The following ITGA8 variants were observed in gnomAD, a reference collection of about 807,000 sequenced individuals.
The protein encoded by ITGA8 is integrin alpha-8.
In ITGA8, 91 loss-of-function variants were observed where a neutral mutation model predicts 142.3. The observed-to-expected ratio is 0.64, with a 90% CI of 0.54 to 0.76. The LOEUF (loss-of-function observed/expected upper bound fraction) is 0.76, where lower values mean the gene tolerates loss of function less well. ITGA8 is among the 30% of genes least tolerant of loss of function. ITGA8 has a pLI of 0.00. For synonymous variants in ITGA8, 505 were observed against 485.2 expected (o/e 1.04, Z -0.54); for missense variants, 1,406 against 1,327.7 (o/e 1.06, Z -0.92).
intron 13 of ITGA8, among the ~76,000 whole-genome samples, chr10:15,631,784 G>A (rs1228921152): frequency 6.7e-6 from 1 of 149,060 alleles, no homozygotes; most frequent in Non-Finnish European, 1.5e-5. Flanking sequence ...TGGACTTCTA[G>A]CCCCACCCCC....
intron 3 of ITGA8, among the ~76,000 whole-genome samples, chr10:15,684,992 A>AT (rs1269314173): frequency 1.3e-5 from 2 of 152,116 alleles, no homozygotes; most frequent in Non-Finnish European, 2.9e-5. Flanking sequence ...GCACTTCTCC[A>AT]TTTTCACAGT....
At chr10:15,532,113 T>G (rs1833313937) in intron 27 of ITGA8, among the ~76,000 whole-genome samples, 2 of 151,884 alleles carry the variant, frequency 1.3e-5, no homozygotes, top group Admixed American at 6.6e-5. Context: ...TAGATGCTAA[T>G]AGCACCCTCC....
chr10:15,546,469 G>A (rs61843013), intron 27 of ITGA8, among the ~76,000 whole-genome samples: 2,614 of 152,276 alleles, frequency 0.017, 31 homozygotes, highest in Non-Finnish European at 0.026. Flanking sequence ...GGTTCAAAAT[G>A]GGATGATGTT....
intron 22 of ITGA8, among the ~76,000 whole-genome samples, chr10:15,586,921 T>A (rs1832842478): frequency 6.6e-6 from 1 of 151,876 alleles, no homozygotes; most frequent in Admixed American, 6.6e-5. Context: ...CTAAAGAAAC[T>A]AACACTTTTT....
chr10:15,582,159 A>T (rs564955555), intron 23 of ITGA8, among the ~76,000 whole-genome samples: 10 of 152,296 alleles, frequency 6.6e-5, no homozygotes, highest in African/African-American at 2.4e-4. Context: ...GGATCACTTG[A>T]GCTCAGGAGT....
chr10:15,571,475 T>C (rs1205823022), intron 25 of ITGA8, among the ~76,000 whole-genome samples: 2 of 152,262 alleles, frequency 1.3e-5, no homozygotes, highest in Non-Finnish European at 2.9e-5. Flanking sequence ...CAAGGGCTTA[T>C]GCTAATTAAT....
intron 26 of ITGA8, among the ~76,000 whole-genome samples, chr10:15,549,638 G>C (rs889121644): frequency 6.6e-6 from 1 of 152,070 alleles, no homozygotes; most frequent in South Asian, 2.1e-4. Flanking sequence ...AATTTATCTT[G>C]TGGCCCATGC....
chr10:15,691,999 C>T (rs985498835), intron 2 of ITGA8, among the ~76,000 whole-genome samples: 4 of 152,098 alleles, frequency 2.6e-5, no homozygotes, highest in Non-Finnish European at 4.4e-5. Context: ...TGCAGTGGCA[C>T]GATCACAGTT....
intron 21 of ITGA8, chr10:15,596,888 G>T: frequency 4.2e-6 from 1 of 239,274 alleles, no homozygotes; most frequent in Non-Finnish European, 8.1e-6. Flanking sequence ...ATTTCTTTTT[G>T]AATTCAAAGA....
chr10:15,681,565 A>G (rs1834738234), intron 4 of ITGA8, among the ~76,000 whole-genome samples: 1 of 152,214 alleles, frequency 6.6e-6, no homozygotes, highest in African/African-American at 2.4e-5. Flanking sequence ...CTTTTCCCCT[A>G]CAAGTCTGCA....
Position 15,575,546 on chromosome 10 carries a change from T to C in ITGA8, c.2421A>G (p.Pro807=). Residue 807 remains proline, a synonymous_variant, in exon 24 of 30, where the codon CCA becomes CCG. Transcript: ENST00000378076. ...CCTCCTCTTTGTGGGGCTCCTCTTC[T>C]GGTTCCCAGTTATGAATGGGCAGAA... The part of the protein sequence containing the change: ...QIVLPIHNWE[P]EEEPHKEEEV... 6.2e-7 allele frequency: 1 copy of C among 1,614,106 alleles called. No homozygotes were observed. Among genetic ancestry groups the C allele is most frequent in the Non-Finnish European group, 8.5e-7 (1 of 1,179,948 alleles).
rs1834340308 is a variant in ITGA8, at chr10:15,578,492, T to A, written c.2373-2898A>T. Among the ~76,000 whole-genome samples the A allele has an allele frequency of 2.0e-5, 3 of 152,138 alleles. No homozygotes were observed. The South Asian group carries it at 6.2e-4, about 31-fold the overall frequency. On this transcript the variant is annotated intron_variant, in intron 23 of 29. Transcript: ENST00000378076. ...TAAGATTAATGTAGGGATTCTTGTG[T>A]GAACTTTGGTTTTCATTTCTCTGGA...
At chr10:15,581,901 T>TG (rs1588657270) in intron 23 of ITGA8, among the ~76,000 whole-genome samples, 1 of 151,970 alleles carries the variant, frequency 6.6e-6, no homozygotes, top group Non-Finnish European at 1.5e-5. Context: ...AGTAATTCAG[T>TG]GGGGGGAAAA....
At chr10:15,597,865 C>T (rs2131601830) in intron 20 of ITGA8, among the ~76,000 whole-genome samples, 1 of 152,266 alleles carries the variant, frequency 6.6e-6, no homozygotes, top group South Asian at 2.1e-4. Flanking sequence ...TCCTTTCCTT[C>T]CCTTATATCC....
At chr10:15,681,759 T>C (rs1311687474) in intron 4 of ITGA8, among the ~76,000 whole-genome samples, 1 of 152,174 alleles carries the variant, frequency 6.6e-6, no homozygotes, top group East Asian at 1.9e-4. Flanking sequence ...TTATTTGCTG[T>C]TTGTTGAACA....
At chr10:15,671,026 A>G (rs1201269800) in intron 8 of ITGA8, among the ~76,000 whole-genome samples, 5 of 152,168 alleles carry the variant, frequency 3.3e-5, no homozygotes, top group African/African-American at 1.2e-4. Context: ...ATTTTATCCT[A>G]GCACTTATCA....
intron 28 of ITGA8, among the ~76,000 whole-genome samples, chr10:15,528,027 T>C (rs995931586): frequency 1.4e-5 from 2 of 146,860 alleles, no homozygotes; most frequent in Non-Finnish European, 3.0e-5. Context: ...GCAATCCTCC[T>C]GCCTCAGCCT....
At chr10:15,524,195 A>G (rs937687342) in intron 28 of ITGA8, among the ~76,000 whole-genome samples, 4 of 152,128 alleles carry the variant, frequency 2.6e-5, no homozygotes, top group African/African-American at 9.7e-5. Flanking sequence ...AGCTGCAGAG[A>G]CCTTCCTTCA....
chr10:15,607,118 G>A (rs1389534556), intron 17 of ITGA8, among the ~76,000 whole-genome samples: 1 of 152,152 alleles, frequency 6.6e-6, no homozygotes. Context: ...ATGGAAAAGA[G>A]AAATTGAGAC....
Sources: gnomAD v4.1 joint callset for allele counts (sites outside exome capture counted in the v4.1 genomes callset) on GRCh38, gnomAD v4.1.1 for gene constraint, MANE v1.5 for transcripts, NCBI Gene and HGNC (gene_info 2026-07-23, HGNC 2026-07-21) for gene names.